ADORA2B: variants seen among roughly 807,000 people sequenced by gnomAD.
The protein encoded by ADORA2B is adenosine A2b receptor.
In ADORA2B, 18 loss-of-function variants were observed where a neutral mutation model predicts 20.8. The observed-to-expected ratio is 0.87, with a 90% CI of 0.60 to 1.29. ADORA2B has a LOEUF of 1.29. Ranked by LOEUF, ADORA2B falls within the 50% of genes most tolerant of loss-of-function variation. ADORA2B has a pLI of 0.00. For synonymous variants in ADORA2B, 179 were observed against 178.3 expected (o/e 1.00, Z -0.03); for missense variants, 441 against 422.7 (o/e 1.04, Z -0.38).
the ADORA2B span, among the ~76,000 whole-genome samples, chr17:15,852,008 G>C: frequency 9.2e-5 from 14 of 152,226 alleles, 1 homozygote; most frequent in South Asian, 2.9e-3. Flanking sequence ...TGAGCACTTC[G>C]TATGTTTACA....
chr17:15,939,678 G>A, the ADORA2B span, among the ~76,000 whole-genome samples: 4 of 151,812 alleles, frequency 2.6e-5, no homozygotes, highest in Non-Finnish European at 5.9e-5. Context: ...GCTAACACAT[G>A]AAACCCTGTC....
the ADORA2B span, among the ~76,000 whole-genome samples, chr17:15,903,812 T>A: frequency 6.6e-6 from 1 of 152,174 alleles, no homozygotes; most frequent in African/African-American, 2.4e-5. Context: ...TTTGGTATTA[T>A]CATTTTTTAG....
the ADORA2B span, among the ~76,000 whole-genome samples, chr17:15,928,612 G>A: frequency 6.6e-6 from 1 of 152,090 alleles, no homozygotes. Flanking sequence ...GTCCAAGAGG[G>A]GACACCTGAA....
chr17:15,879,606 C>G, the ADORA2B span, among the ~76,000 whole-genome samples: 3 of 148,692 alleles, frequency 2.0e-5, no homozygotes, highest in Non-Finnish European at 4.4e-5. Context: ...GGCACGATCT[C>G]CCCTCACTGC....
the ADORA2B span, among the ~76,000 whole-genome samples, chr17:15,869,750 A>T: frequency 4.6e-5 from 7 of 152,224 alleles, no homozygotes; most frequent in African/African-American, 1.7e-4. Flanking sequence ...CTAAACTGTT[A>T]CTTTTTGAAT....
At chr17:15,900,278 A>G in the ADORA2B span, among the ~76,000 whole-genome samples, 1 of 152,144 alleles carries the variant, frequency 6.6e-6, no homozygotes, top group African/African-American at 2.4e-5. Flanking sequence ...ATACCCAGTA[A>G]TGGGATTACT....
chr17:15,954,215 G>C (rs1338373763), intron 1 of ADORA2B, among the ~76,000 whole-genome samples: 2 of 152,148 alleles, frequency 1.3e-5, no homozygotes, highest in Admixed American at 6.6e-5. Context: ...CTGACCTCAG[G>C]TGATCCACCT....
At chr17:15,862,958 G>A in the ADORA2B span, among the ~76,000 whole-genome samples, 527 of 152,202 alleles carry the variant, frequency 3.5e-3, no homozygotes, top group Non-Finnish European at 6.0e-3. Flanking sequence ...ATTTATGAAA[G>A]TCTGAATGAA....
the ADORA2B span, among the ~76,000 whole-genome samples, chr17:15,866,128 G>C: frequency 6.6e-6 from 1 of 152,118 alleles, no homozygotes; most frequent in South Asian, 2.1e-4. Context: ...TGTTCTTGTC[G>C]ATGTCTCTTG....
chr17:15,975,311 G>A lies in ADORA2B; in HGVS notation c.968G>A (p.Gly323Glu), dbSNP rs1276230728. 4.3e-6 allele frequency: 7 copies of A among 1,612,752 alleles called. No individual in the cohort carries two copies. In the African/African-American group the frequency reaches 8.0e-5, roughly 18 times the overall value. ...ADVKSGNGQAGVQPALGVGL is the reference protein window; with the variant it reads ...ADVKSGNGQAEVQPALGVGL ...GTCAAGAGTGGGAATGGTCAGGCTG[G>A]GGTACAGCCTGCTCTCGGTGTGGGC... The change falls in exon 2 of 2, where the codon GGG becomes GAG. Residue 323 changes from glycine to glutamate, a missense_variant. Physicochemically the swap from Gly to Glu is moderately conservative, Grantham distance 98. Coordinates refer to ENST00000304222, the MANE Select transcript of ADORA2B (RefSeq NM_000676.4).
At chr17:15,920,929 A>G in the ADORA2B span, among the ~76,000 whole-genome samples, 1 of 152,176 alleles carries the variant, frequency 6.6e-6, no homozygotes, top group Non-Finnish European at 1.5e-5. Flanking sequence ...CTCCCTGCTG[A>G]TGGTCTTCTC....
chr17:15,940,986 A>G (rs375173584), upstream of ADORA2B, among the ~76,000 whole-genome samples: 7 of 152,344 alleles, frequency 4.6e-5, no homozygotes, highest in East Asian at 1.2e-3. Context: ...GCCTGTCATG[A>G]TATTTCTGGG....
At chr17:15,951,274 T>G (rs2535605) in intron 1 of ADORA2B, among the ~76,000 whole-genome samples, 5,528 of 152,182 alleles carry the variant, frequency 0.036, 144 homozygotes, top group Non-Finnish European at 0.053. Context: ...TGCAGAGGTG[T>G]CCGGGGACTG....
chr17:15,913,215 C>T, the ADORA2B span, among the ~76,000 whole-genome samples: 1 of 152,226 alleles, frequency 6.6e-6, no homozygotes, highest in East Asian at 1.9e-4. Flanking sequence ...TGTGCATTTA[C>T]ACCCTGCACT....
At chr17:15,879,909 A>C in the ADORA2B span, among the ~76,000 whole-genome samples, 1 of 147,194 alleles carries the variant, frequency 6.8e-6, no homozygotes, top group Non-Finnish European at 1.5e-5. Context: ...AACTTTAAAA[A>C]AAAAAAAAAT....
chr17:15,923,698 G>A, the ADORA2B span, among the ~76,000 whole-genome samples: 7 of 151,792 alleles, frequency 4.6e-5, no homozygotes, highest in African/African-American at 1.5e-4. Context: ...GAGCCACCGC[G>A]CCCGGTCCCA....
the ADORA2B span, among the ~76,000 whole-genome samples, chr17:15,934,638 A>G: frequency 6.6e-6 from 1 of 152,114 alleles, no homozygotes; most frequent in East Asian, 1.9e-4. Flanking sequence ...ATTTGTTAAA[A>G]TGTCAGAATA....
chr17:15,900,973 C>G, the ADORA2B span, among the ~76,000 whole-genome samples: 1 of 152,122 alleles, frequency 6.6e-6, no homozygotes, highest in Non-Finnish European at 1.5e-5. Context: ...GAACGTGTGT[C>G]CCCAGGACTG....
At chr17:15,870,505 T>G in the ADORA2B span, among the ~76,000 whole-genome samples, 1 of 151,742 alleles carries the variant, frequency 6.6e-6, no homozygotes, top group Non-Finnish European at 1.5e-5. Context: ...CCCAGCTACT[T>G]GGAAGGCTGA....
Sources: gnomAD v4.1 joint callset for allele counts (sites outside exome capture counted in the v4.1 genomes callset) on GRCh38, gnomAD v4.1.1 for gene constraint, MANE v1.5 for transcripts, NCBI Gene and HGNC (gene_info 2026-07-23, HGNC 2026-07-21) for gene names.